The following ST18 variants were observed in gnomAD, a reference collection of about 807,000 sequenced individuals.
ST18 encodes suppression of tumorigenicity 18 protein.
Under a neutral mutation model 110.0 loss-of-function variants are expected in ST18, and 50 were observed. That is an observed-to-expected ratio of 0.45 (90% CI 0.36 to 0.58). The LOEUF (loss-of-function observed/expected upper bound fraction) is 0.58. Ranked by LOEUF, ST18 falls within the 20% of genes least tolerant of loss-of-function variation. The pLI, the probability that ST18 is intolerant of heterozygous loss-of-function variation, is 0.00. For missense variants in ST18, 1,306 were observed against 1,280.1 expected, an observed-to-expected ratio of 1.02 and a Z score of -0.31; for synonymous variants, 461 against 452.4, an observed-to-expected ratio of 1.02 and a Z score of -0.24.
rs908618700 is a variant in ST18 at position 52,268,744 on chromosome 8, C to T, written c.-464-38667G>A. Among the ~76,000 whole-genome samples, 40 of 152,254 alleles carry T rather than the reference C, an allele frequency of 2.6e-4. 1 individual carries two copies. The highest frequency in any genetic ancestry group is 6.5e-4 in the African/African-American group (27 of 41,552). On this transcript the variant is annotated intron_variant, in intron 2 of 25. Transcript: ENST00000689386. ...GCTGAAGAATACAAGAACGCAGAGC[C>T]GAAATCCCTGAATCCTTGGGGCTGG...
At chr8:52,396,628 T>C (rs542007043) in intron 2 of ST18, among the ~76,000 whole-genome samples, 1 of 152,216 alleles carries the variant, frequency 6.6e-6, no homozygotes, top group East Asian at 1.9e-4. Context: ...ACACATCCTT[T>C]TTCACAAGGT....
intron 2 of ST18, among the ~76,000 whole-genome samples, chr8:52,343,362 C>G (rs1464029615): frequency 6.6e-6 from 1 of 152,168 alleles, no homozygotes; most frequent in Non-Finnish European, 1.5e-5. Context: ...CATCTCCCTT[C>G]CTACTTTATA....
intron 2 of ST18, chr8:52,403,787 T>C (rs1207056345): frequency 6.6e-6 from 1 of 152,200 alleles, no homozygotes; most frequent in Non-Finnish European, 1.5e-5. Context: ...ATCTTGCTGA[T>C]ATCACTCCTC....
intron 2 of ST18, among the ~76,000 whole-genome samples, chr8:52,334,361 A>G (rs190417106): frequency 1.3e-5 from 2 of 152,290 alleles, no homozygotes; most frequent in South Asian, 2.1e-4. Context: ...CTGATTTACA[A>G]TTGTTCTTAC....
In ST18 at chr8:52,111,776, G is replaced by T. The variant is rs2040601648; in HGVS notation, c.*1422C>A. 6.6e-6 allele frequency: 1 copy of T among 152,594 alleles called. No individual in the cohort carries two copies. Among genetic ancestry groups the T allele is most frequent in the Non-Finnish European group, 1.5e-5 (1 of 68,036 alleles). 9.5% of individuals were successfully genotyped at this position (152,594 alleles called of 1,614,324 possible). The stretch of plus-strand genomic sequence containing the variant: ...GTGTGCACACCAAAAAGGCAGTTTA[G>T]CTGGTTGTCTATACCTTTTCCTTAA... On this transcript the variant is annotated 3_prime_UTR_variant, in exon 26 of 26. Transcript: ENST00000689386.
chr8:52,285,345 C>T (rs939629713), intron 2 of ST18, among the ~76,000 whole-genome samples: 2 of 152,172 alleles, frequency 1.3e-5, no homozygotes, highest in Admixed American at 6.5e-5. Context: ...CATGTAATGA[C>T]GATGGAACTT....
intron 2 of ST18, chr8:52,393,765 C>T (rs1840107504): frequency 6.6e-6 from 1 of 151,996 alleles, no homozygotes; most frequent in African/African-American, 2.4e-5. Context: ...CACTTGTAAT[C>T]CCAGCCACTT....
At chr8:52,131,027 A>G (rs2049360964) in intron 22 of ST18, among the ~76,000 whole-genome samples, 1 of 152,242 alleles carries the variant, frequency 6.6e-6, no homozygotes, top group African/African-American at 2.4e-5. Flanking sequence ...AAACCACTGG[A>G]AAAAGTCAAG....
intron 15 of ST18, among the ~76,000 whole-genome samples, chr8:52,150,633 G>A (rs1052587702): frequency 1.3e-4 from 20 of 152,196 alleles, no homozygotes; most frequent in African/African-American, 4.8e-4. Flanking sequence ...TGGTGGGGGC[G>A]GTGCTTTGGG....
chr8:52,180,149 A>G lies in ST18; in HGVS notation c.250T>C (p.Leu84=). 2.5e-6 allele frequency: 4 copies of G among 1,614,072 alleles called. No homozygotes were observed. The highest frequency in any genetic ancestry group is 3.4e-6 in the Non-Finnish European group (4 of 1,180,004). ...GCGGTAGAGTGACCATGTGTTTCCA[A>G]GGGGCCATCGTCCTCTGTCCTGTCA... ...RSDRTEDDGP[L]ETHGHSTAEE... is the part of the protein sequence containing the mutation. Residue 84 remains leucine (L), a synonymous_variant, in exon 9 of 26, where the codon TTG becomes CTG. Transcript: ENST00000689386.
At chr8:52,373,547 A>T (rs1304008367) in intron 2 of ST18, among the ~76,000 whole-genome samples, 2 of 150,816 alleles carry the variant, frequency 1.3e-5, no homozygotes, top group African/African-American at 4.9e-5. Flanking sequence ...AAGCCAGCAG[A>T]CTCCACACAA....
intron 2 of ST18, among the ~76,000 whole-genome samples, chr8:52,280,476 T>C (rs1314756643): frequency 1.3e-5 from 2 of 152,002 alleles, no homozygotes; most frequent in Non-Finnish European, 2.9e-5. Context: ...TTTATATGTG[T>C]ATAATATACA....
chr8:52,323,281 T>G (rs1804829978), intron 2 of ST18, among the ~76,000 whole-genome samples: 1 of 152,214 alleles, frequency 6.6e-6, no homozygotes, highest in Admixed American at 6.5e-5. Flanking sequence ...TGTTTTTATT[T>G]GAGGTTCAGT....
chr8:52,162,673 G>T (rs538042765), intron 13 of ST18, among the ~76,000 whole-genome samples: 65 of 152,202 alleles, frequency 4.3e-4, no homozygotes, highest in African/African-American at 1.5e-3. Flanking sequence ...TTTTAGAATG[G>T]TTGTTATTTG....
At chr8:52,198,057 C>T (rs1479515068) in intron 8 of ST18, among the ~76,000 whole-genome samples, 1 of 152,178 alleles carries the variant, frequency 6.6e-6, no homozygotes, top group Non-Finnish European at 1.5e-5. Flanking sequence ...CTCTGTCACC[C>T]AGGCTGGAGT....
chr8:52,366,403 C>T (rs1351297993), intron 2 of ST18, among the ~76,000 whole-genome samples: 4 of 152,202 alleles, frequency 2.6e-5, no homozygotes, highest in Non-Finnish European at 5.9e-5. Context: ...CCCCTTGCCC[C>T]AGGAGGCCCT....
At chr8:52,197,236 G>A (rs2135277963) in intron 8 of ST18, among the ~76,000 whole-genome samples, 1 of 152,294 alleles carries the variant, frequency 6.6e-6, no homozygotes, top group East Asian at 1.9e-4. Context: ...TTTTATTCAT[G>A]TACCTAAACT....
chr8:52,341,819 C>T (rs896715430), intron 2 of ST18, among the ~76,000 whole-genome samples: 1 of 152,170 alleles, frequency 6.6e-6, no homozygotes, highest in Non-Finnish European at 1.5e-5. Flanking sequence ...AGAGCAGCCT[C>T]TGCCCCTTAG....
intron 2 of ST18, among the ~76,000 whole-genome samples, chr8:52,382,286 G>A (rs1487495200): frequency 1.3e-5 from 2 of 152,204 alleles, no homozygotes; most frequent in African/African-American, 4.8e-5. Context: ...CTAGAGGCAT[G>A]TTTGGATGGC....
Sources: gnomAD v4.1 joint callset for allele counts (sites outside exome capture counted in the v4.1 genomes callset) on GRCh38, gnomAD v4.1.1 for gene constraint, MANE v1.5 for transcripts, NCBI Gene and HGNC (gene_info 2026-07-23, HGNC 2026-07-21) for gene names.